Variants in HSD17B4 observed in about 807,000 individuals in gnomAD.
HSD17B4 encodes the protein peroxisomal multifunctional enzyme type 2.
HSD17B4 carries 70 observed loss-of-function variants against 101.0 expected under a neutral mutation model. That is an observed-to-expected ratio of 0.69 (90% CI 0.57 to 0.85). The LOEUF (loss-of-function observed/expected upper bound fraction) is 0.85, where lower values mean the gene tolerates loss of function less well. Among genes scored for constraint, HSD17B4 ranks in the 40% least tolerant of loss-of-function variants. The probability of loss-of-function intolerance (pLI) is 0.00; values close to 1 mark genes in which losing one functional copy is unlikely to be tolerated. For missense variants in HSD17B4, 984 were observed against 892.4 expected (o/e 1.10, Z -1.31); for synonymous variants, 347 against 297.1 (o/e 1.17, Z -1.73).
chr5:119,485,679 T>G (rs1749554139), intron 8 of HSD17B4, among the ~76,000 whole-genome samples: 1 of 152,200 alleles, frequency 6.6e-6, no homozygotes, highest in Non-Finnish European at 1.5e-5. Context: ...GAGTAATGTG[T>G]GGAGACATTT....
chr5:119,534,752 A>C (rs983095470), intron 22 of HSD17B4, among the ~76,000 whole-genome samples: 2 of 152,072 alleles, frequency 1.3e-5, no homozygotes, highest in Non-Finnish European at 2.9e-5. Context: ...CCAGTTAGGA[A>C]TGGGGGCCTG....
At chr5:119,527,029 T>G in intron 19 of HSD17B4, 104 bp from the exon 20 acceptor site, 1 of 695,426 alleles carries the variant, frequency 1.4e-6, no homozygotes, top group South Asian at 1.6e-5. Context: ...AACCTTGATT[T>G]TTTTTTTCTT....
Position 119,452,522 on chromosome 5 carries a change from G to C in HSD17B4, c.-54G>C. ...ATTCCCCGCCTCCTCCTGTCCCGCAGTCGGCGTCCAGCGGCTCTGCTTGTT... is the reference window on the plus strand; with the variant it reads ...ATTCCCCGCCTCCTCCTGTCCCGCACTCGGCGTCCAGCGGCTCTGCTTGTT... On this transcript the variant is annotated 5_prime_UTR_variant, in exon 1 of 24. Transcript: ENST00000510025. 6.2e-7 allele frequency: 1 copy of C among 1,613,302 alleles called. No homozygotes were observed.
intron 2 of HSD17B4, among the ~76,000 whole-genome samples, chr5:119,464,236 G>A (rs951536756): frequency 2.0e-5 from 3 of 151,978 alleles, no homozygotes; most frequent in African/African-American, 4.8e-5. Flanking sequence ...CTATGCTTCC[G>A]AGGTCTCATT....
At chr5:119,497,831 A>G (rs548548807) in intron 12 of HSD17B4, among the ~76,000 whole-genome samples, 5 of 152,256 alleles carry the variant, frequency 3.3e-5, no homozygotes, top group African/African-American at 1.2e-4. Context: ...TTTCAGTACC[A>G]TTAGATTTCT....
chr5:119,492,872 A>C (rs1253525746), intron 10 of HSD17B4: 1 of 152,154 alleles, frequency 6.6e-6, no homozygotes, highest in Non-Finnish European at 1.5e-5. Flanking sequence ...GCTTATATTT[A>C]GTTGGCTATG....
intron 2 of HSD17B4, among the ~76,000 whole-genome samples, chr5:119,468,488 G>C (rs936784566): frequency 6.6e-6 from 1 of 151,646 alleles, no homozygotes; most frequent in Non-Finnish European, 1.5e-5. Context: ...TAAATCTGCT[G>C]TTAGTCTAAT....
At position 119,499,411 on chromosome 5, in the gene HSD17B4, A is replaced by G. The variant is rs750393834; in HGVS notation, c.1067A>G (p.Lys356Arg). 1.9e-6 allele frequency: 3 copies of G among 1,613,678 alleles called. No individual in the cohort carries two copies. In the Admixed American group the frequency reaches 5.0e-5, roughly 27 times the overall value. The change falls in exon 13 of 24, where the codon AAG becomes AGG. Residue 356 changes from lysine (K) to arginine (R), a missense_variant. Physicochemically the swap from Lys to Arg is conservative, Grantham distance 26. Transcript: ENST00000510025. Reference sequence around the variant, plus strand: ...GCCCTTGGAGTGGGAGCGTCAATCAAGGATCCAAAAGATTTGAAATTTATT... The same window carrying G: ...GCCCTTGGAGTGGGAGCGTCAATCAGGGATCCAAAAGATTTGAAATTTATT... ...MYALGVGASI[K>R]DPKDLKFIYE...
intron 8 of HSD17B4, among the ~76,000 whole-genome samples, chr5:119,486,840 A>G (rs1749653490): frequency 6.6e-6 from 1 of 152,136 alleles, no homozygotes; most frequent in African/African-American, 2.4e-5. Context: ...TTTTCTTTAT[A>G]ATATATTTTA....
rs191561153 is a variant in HSD17B4 at position 119,460,968 on chromosome 5, G to A, written c.112+4600G>A. ...CAGGCATGGTATGTTTTAGGGTTAG[G>A]AAGGGAGCCAGTGTGGTTATATAGC... is the stretch of plus-strand genomic sequence containing the variant. On this transcript the variant is annotated intron_variant, in intron 2 of 23. Transcript: ENST00000510025. 8.5e-5 allele frequency among the ~76,000 whole-genome samples: 13 copies of A among 152,256 alleles called. No homozygotes were observed. In the East Asian group the frequency reaches 2.3e-3, roughly 27 times the overall value.
rs146619956 is a variant in HSD17B4, at chr5:119,516,462, A to G, written c.1503+1416A>G. On this transcript the variant is annotated intron_variant, in intron 17 of 23. Transcript: ENST00000510025. ...GTTTTCTTTCTTTTGTTTTTTTTTC[A>G]GATGACTAAAACTTTTTGTTAGTTT... Among the ~76,000 whole-genome samples, 355 of 152,006 alleles carry G rather than the reference A, an allele frequency of 2.3e-3. 2 individuals carry two copies. The highest frequency in any genetic ancestry group is 8.3e-3 in the African/African-American group (346 of 41,502).
chr5:119,475,997 G>A (rs1748548177), intron 6 of HSD17B4, 127 bp downstream of exon 6: 1 of 717,406 alleles, frequency 1.4e-6, no homozygotes. Context: ...TAAATGATGA[G>A]TAAACTGTAT....
At chr5:119,539,469 A>G (rs936302759) in intron 23 of HSD17B4, among the ~76,000 whole-genome samples, 8 of 151,780 alleles carry the variant, frequency 5.3e-5, no homozygotes, top group Non-Finnish European at 1.0e-4. Flanking sequence ...GCATTAGGAG[A>G]TATACCTAAT....
intron 9 of HSD17B4, 54 bp downstream of exon 9, chr5:119,489,337 G>A (rs1037356064): frequency 9.7e-5 from 107 of 1,104,486 alleles, no homozygotes; most frequent in Non-Finnish European, 1.4e-4. Context: ...GCTTACATTT[G>A]TAAAAATCTG....
At chr5:119,520,708 A>G (rs1753041899) in intron 17 of HSD17B4, among the ~76,000 whole-genome samples, 1 of 151,748 alleles carries the variant, frequency 6.6e-6, no homozygotes, top group Admixed American at 6.6e-5. Context: ...TAATTTTTCT[A>G]GTTGTTTATG....
At chr5:119,525,159 A>G in intron 17 of HSD17B4, 57 bp from the exon 18 acceptor site, 1 of 1,182,352 alleles carries the variant, frequency 8.5e-7, no homozygotes, top group Admixed American at 1.7e-5. Flanking sequence ...CCTATTTTTC[A>G]TTTAATGTAT....
chr5:119,489,532 G>A (rs1222186785), intron 9 of HSD17B4, among the ~76,000 whole-genome samples: 2 of 152,126 alleles, frequency 1.3e-5, no homozygotes, highest in Non-Finnish European at 2.9e-5. Context: ...GTCAAAATGT[G>A]GGGAATTTCA....
intron 22 of HSD17B4, among the ~76,000 whole-genome samples, chr5:119,533,022 T>C (rs906048841): frequency 2.0e-5 from 3 of 152,118 alleles, no homozygotes; most frequent in African/African-American, 4.8e-5. Flanking sequence ...TAATATGGAA[T>C]ACATGTTTTA....
chr5:119,474,107 C>G, intron 3 of HSD17B4, 92 bp downstream of exon 3: 1 of 798,838 alleles, frequency 1.3e-6, no homozygotes, highest in South Asian at 1.5e-5. Context: ...CTCAGTATTC[C>G]AGTATAATTA....
Sources: allele counts gnomAD v4.1 joint callset (sites outside exome capture counted in the v4.1 genomes callset), GRCh38; gene constraint gnomAD v4.1.1; transcripts MANE v1.5; gene names NCBI Gene and HGNC (gene_info 2026-07-23, HGNC 2026-07-21).